Variants in ADAMTS20 observed in about 807,000 individuals in gnomAD.
The protein encoded by ADAMTS20 is A disintegrin and metalloproteinase with thrombospondin motifs 20.
ADAMTS20 carries 225 observed loss-of-function variants against 260.1 expected under a neutral mutation model. That is an observed-to-expected ratio of 0.87 (90% CI 0.78 to 0.97). The LOEUF (loss-of-function observed/expected upper bound fraction) is 0.97, where lower values mean the gene tolerates loss of function less well. Among genes scored for constraint, ADAMTS20 ranks in the 50% least tolerant of loss-of-function variants. The pLI, the probability that ADAMTS20 is intolerant of heterozygous loss-of-function variation, is 0.00. For missense variants in ADAMTS20, 2,400 were observed against 2,337.7 expected (o/e 1.03, Z -0.55); for synonymous variants, 802 against 769.5 (o/e 1.04, Z -0.70).
At chr12:43,385,828 C>T (rs1008420683) in intron 29 of ADAMTS20, among the ~76,000 whole-genome samples, 2 of 152,000 alleles carry the variant, frequency 1.3e-5, no homozygotes, top group African/African-American at 2.4e-5. Context: ...ACCTCAATTT[C>T]GGAATTTGTT....
intron 14 of ADAMTS20, among the ~76,000 whole-genome samples, chr12:43,451,605 G>A (rs752686549): frequency 2.6e-5 from 4 of 151,882 alleles, no homozygotes; most frequent in Admixed American, 6.6e-5. Flanking sequence ...AGTCTTATGC[G>A]CTCCATAAAA....
intron 12 of ADAMTS20, among the ~76,000 whole-genome samples, chr12:43,453,675 A>G (rs1250679050): frequency 6.6e-6 from 1 of 152,166 alleles, no homozygotes; most frequent in African/African-American, 2.4e-5. Flanking sequence ...AAACAAAAAA[A>G]TGAAGAAAAT....
chr12:43,383,917 C>T lies in ADAMTS20; in HGVS notation c.4513G>A (p.Val1505Ile). 1 of 1,613,964 alleles carries T rather than the reference C, an allele frequency of 6.2e-7. No individual in the cohort carries two copies. The change falls in exon 30 of 39, where the codon GTT (valine) becomes ATT (isoleucine). Residue 1505 changes from valine to isoleucine, a missense_variant. By Grantham distance (29) the Val-to-Ile change is conservative. Coordinates refer to ENST00000389420, the MANE Select transcript of ADAMTS20 (RefSeq NM_025003.5). ...QRDVYCRLKG[V>I]GQVVEEMCDQ... is the part of the protein sequence containing the mutation. ...CACATTTCTTCAACCACCTGACCAACACCTTTCAGTCTGCAGTATACATCC... is the reference window on the plus strand; with the variant it reads ...CACATTTCTTCAACCACCTGACCAATACCTTTCAGTCTGCAGTATACATCC...
At chr12:43,516,680 T>C (rs1943003704) in intron 3 of ADAMTS20, among the ~76,000 whole-genome samples, 1 of 152,106 alleles carries the variant, frequency 6.6e-6, no homozygotes, top group African/African-American at 2.4e-5. Context: ...TCCATTATTT[T>C]AATCATTCCC....
chr12:43,531,640 C>G (rs2048347), intron 3 of ADAMTS20, among the ~76,000 whole-genome samples: 84,523 of 151,802 alleles, frequency 0.56, 24,167 homozygotes, highest in East Asian at 0.86. Flanking sequence ...CAGTTGCAGG[C>G]GGGAAGGAAA....
chr12:43,477,229 C>T (rs1310226904), intron 7 of ADAMTS20, among the ~76,000 whole-genome samples: 1 of 151,892 alleles, frequency 6.6e-6, no homozygotes, highest in Non-Finnish European at 1.5e-5. Flanking sequence ...CCAACAATTT[C>T]TATAGGAATA....
chr12:43,464,974 G>A (rs559009080), intron 9 of ADAMTS20, among the ~76,000 whole-genome samples: 1 of 152,138 alleles, frequency 6.6e-6, no homozygotes, highest in East Asian at 1.9e-4. Flanking sequence ...CCATCTTGAA[G>A]GTGGCAATTT....
At chr12:43,430,509 C>T in intron 22 of ADAMTS20, 38 bp from the exon 23 acceptor site, 1 of 1,576,950 alleles carries the variant, frequency 6.3e-7, no homozygotes, top group Non-Finnish European at 8.6e-7. Context: ...AACATTGTTT[C>T]CCAAAAGTTA....
rs113370947 is a variant in ADAMTS20 at position 43,545,645 on chromosome 12, T to C, written c.453+5264A>G. 4.6e-3 allele frequency among the ~76,000 whole-genome samples: 694 copies of C among 152,274 alleles called. 7 individuals are homozygous for C. The highest frequency in any genetic ancestry group is 0.016 in the African/African-American group (656 of 41,552). ...TGTCAGTAACTGAGTATGGTAGGGA[T>C]ATCATGGCAGACCTGTTCTCGAGAG... On this transcript the variant is annotated intron_variant, in intron 2 of 38. Transcript: ENST00000389420.
In ADAMTS20 at chr12:43,425,487, T is replaced by C. The variant is rs373468003; in HGVS notation, c.4284+27A>G. 1.2e-5 allele frequency: 17 copies of C among 1,445,636 alleles called. No homozygotes were observed. In the African/African-American group the frequency reaches 2.3e-4, roughly 20 times the overall value. The allele number at this position is 1,445,636 out of a possible 1,614,324, so 89.6% of individuals were successfully genotyped here. ...CAGACTCAAACTTTAAAGTATGACATGTTAACAGACAAGAGTGCTATCATA... is the reference window on the plus strand; with the variant it reads ...CAGACTCAAACTTTAAAGTATGACACGTTAACAGACAAGAGTGCTATCATA... On this transcript the variant is annotated intron_variant, in intron 28 of 38. Transcript: ENST00000389420.
chr12:43,463,626 A>G (rs1355252646), intron 10 of ADAMTS20, among the ~76,000 whole-genome samples: 1 of 152,162 alleles, frequency 6.6e-6, no homozygotes, highest in African/African-American at 2.4e-5. Context: ...TTTAAGGTAA[A>G]TCTTCCCCAT....
At chr12:43,372,570 T>C (rs1356084389) in intron 36 of ADAMTS20, among the ~76,000 whole-genome samples, 2 of 152,174 alleles carry the variant, frequency 1.3e-5, no homozygotes, top group African/African-American at 4.8e-5. Context: ...GCTGGAAAGG[T>C]AGAGGTCAAG....
intron 3 of ADAMTS20, among the ~76,000 whole-genome samples, chr12:43,516,072 T>A (rs534126403): frequency 6.6e-6 from 1 of 152,060 alleles, no homozygotes; most frequent in East Asian, 1.9e-4. Flanking sequence ...TTTCTGGCTC[T>A]CATTCAAGGG....
chr12:43,430,383 C>T lies in ADAMTS20; in HGVS notation c.3350G>A (p.Cys1117Tyr). 1 of 1,612,376 alleles carries T rather than the reference C, an allele frequency of 6.2e-7. No homozygotes were observed. Among genetic ancestry groups the T allele is most frequent in the Non-Finnish European group, 8.5e-7 (1 of 1,178,952 alleles). Residue 1117 changes from cysteine to tyrosine, a missense_variant, in exon 23 of 39, where the codon TGC (cysteine) becomes TAC (tyrosine). Cys to Tyr is a radical substitution (Grantham distance 194). Transcript: ENST00000389420. The stretch of plus-strand genomic sequence containing the variant: ...GTCACTGGGGCGACTAGCTTCATGG[C>T]ATTCTGTGTCCTCTAACACTGCACT... ...LASAVLEDTE[C>Y]HEASRPSDRQ...
intron 7 of ADAMTS20, among the ~76,000 whole-genome samples, chr12:43,477,174 C>T (rs1413472108): frequency 6.6e-6 from 1 of 151,520 alleles, no homozygotes; most frequent in Non-Finnish European, 1.5e-5. Flanking sequence ...TTTATGTACA[C>T]AGGAGTGGCA....
chr12:43,510,991 T>A (rs188541148), intron 3 of ADAMTS20, among the ~76,000 whole-genome samples: 14 of 152,166 alleles, frequency 9.2e-5, no homozygotes, highest in Non-Finnish European at 1.5e-4. Flanking sequence ...AGAAATAGTC[T>A]CCCGATACCT....
At position 43,492,502 on chromosome 12, in the gene ADAMTS20, T is replaced by C. The variant is rs769726599; in HGVS notation, c.1076+3A>G. 16 of 1,613,532 alleles carry C rather than the reference T, an allele frequency of 9.9e-6. No homozygotes were observed. The highest frequency in any genetic ancestry group is 1.4e-5 in the Non-Finnish European group (16 of 1,179,652). The stretch of plus-strand genomic sequence containing the variant: ...ATGGGAAGGGTTATTTCTATAATCA[T>C]ACCTAGTGATAAGAACAGCAGTGTC... On this transcript the variant is annotated splice_donor_region_variant and intron_variant, in intron 6 of 38. Coordinates refer to ENST00000389420, the MANE Select transcript of ADAMTS20 (RefSeq NM_025003.5).
rs1943525725 is a variant in ADAMTS20 at position 43,552,007 on chromosome 12, C to A, written c.-86G>T. On this transcript the variant is annotated 5_prime_UTR_variant, in exon 1 of 39. In the 5' UTR this introduces an upstream ATG that the reference lacks. Transcript: ENST00000389420. ...CTTCCCTCGCGCTCCGATCCCTCTC[C>A]TCCCTCTCGCCCGCCGCTCTCCGCG... 2 of 1,112,970 alleles carry A rather than the reference C, an allele frequency of 1.8e-6. No individual in the cohort carries two copies. Among genetic ancestry groups the A allele is most frequent in the African/African-American group, 3.1e-5 (2 of 64,836 alleles). 68.9% of individuals were successfully genotyped at this position (1,112,970 alleles called of 1,614,324 possible).
At chr12:43,430,742 A>G (rs1941426895) in intron 22 of ADAMTS20, among the ~76,000 whole-genome samples, 1 of 152,188 alleles carries the variant, frequency 6.6e-6, no homozygotes, top group Non-Finnish European at 1.5e-5. Flanking sequence ...GAGGCCTGAT[A>G]TTTTAGAAAG....
Sources: gnomAD v4.1 joint callset for allele counts (sites outside exome capture counted in the v4.1 genomes callset) on GRCh38, gnomAD v4.1.1 for gene constraint, MANE v1.5 for transcripts, NCBI Gene and HGNC (gene_info 2026-07-23, HGNC 2026-07-21) for gene names.